The following ITPR2 variants were observed in gnomAD, a reference collection of about 807,000 sequenced individuals.
The protein encoded by ITPR2 is inositol 1,4,5-trisphosphate receptor type 2.
A neutral mutation model predicts 317.1 loss-of-function variants in ITPR2; 207 were observed. The observed-to-expected ratio is 0.65, with a 90% CI of 0.58 to 0.73. The LOEUF is 0.73. ITPR2 is among the 30% of genes least tolerant of loss of function. The probability of loss-of-function intolerance (pLI) is 0.00; values close to 1 mark genes in which losing one functional copy is unlikely to be tolerated. For synonymous variants in ITPR2, 1,156 were observed against 1,149.1 expected (o/e 1.01, Z -0.12); for missense variants, 2,613 against 3,284.0 (o/e 0.80, Z 4.99).
chr12:26,421,659 T>C (rs1344293291), intron 49 of ITPR2, among the ~76,000 whole-genome samples: 1 of 152,218 alleles, frequency 6.6e-6, no homozygotes, highest in Non-Finnish European at 1.5e-5. Context: ...GTCAGTGCCA[T>C]TATAGCAAGG....
chr12:26,454,174 A>G (rs61914404), intron 45 of ITPR2, among the ~76,000 whole-genome samples: 285 of 152,290 alleles, frequency 1.9e-3, no homozygotes, highest in Non-Finnish European at 3.1e-3. Flanking sequence ...TTATATGTAA[A>G]TATGAGAAAT....
chr12:26,565,784 C>T (rs1944942951), intron 34 of ITPR2, among the ~76,000 whole-genome samples: 1 of 144,906 alleles, frequency 6.9e-6, no homozygotes, highest in Admixed American at 7.3e-5. Context: ...CTAGCCTAGG[C>T]AACACAGCAA....
chr12:26,669,284 A>T (rs1947695383), intron 13 of ITPR2, among the ~76,000 whole-genome samples: 1 of 152,046 alleles, frequency 6.6e-6, no homozygotes, highest in Non-Finnish European at 1.5e-5. Context: ...AATAAAAGGG[A>T]AGTTAAGAGA....
At chr12:26,364,616 C>G (rs1009446086) in intron 55 of ITPR2, among the ~76,000 whole-genome samples, 4 of 152,110 alleles carry the variant, frequency 2.6e-5, no homozygotes, top group African/African-American at 9.7e-5. Flanking sequence ...ATCATAAAAC[C>G]AACTAACTCC....
At chr12:26,629,635 A>T (rs1366175288) in intron 22 of ITPR2, among the ~76,000 whole-genome samples, 1 of 150,850 alleles carries the variant, frequency 6.6e-6, no homozygotes, top group African/African-American at 2.4e-5. Flanking sequence ...TTTTTAACGC[A>T]GCTTTCACTG....
At chr12:26,514,739 T>C (rs1943442831) in intron 37 of ITPR2, among the ~76,000 whole-genome samples, 1 of 152,182 alleles carries the variant, frequency 6.6e-6, no homozygotes. Context: ...AGCTTCACCT[T>C]TAATCTAAAT....
At chr12:26,340,352 A>G in intron 55 of ITPR2, 24 bp from the exon 56 acceptor site, 1 of 1,574,626 alleles carries the variant, frequency 6.4e-7, no homozygotes, top group Non-Finnish European at 8.6e-7. Context: ...AATGTGTGCG[A>G]ACAAGGGAAT....
chr12:26,475,180 A>G, intron 45 of ITPR2, 116 bp downstream of exon 45: 1 of 1,177,170 alleles, frequency 8.5e-7, no homozygotes, highest in Non-Finnish European at 1.2e-6. Flanking sequence ...GCCCAAACCT[A>G]GGATGGTAAG....
At chr12:26,455,608 C>A (rs1941863001) in intron 45 of ITPR2, among the ~76,000 whole-genome samples, 1 of 152,006 alleles carries the variant, frequency 6.6e-6, no homozygotes, top group Non-Finnish European at 1.5e-5. Context: ...GTTATCTAGT[C>A]ATTCAGAAGT....
chr12:26,832,816 T>G lies in ITPR2; in HGVS notation c.-35A>C. ...TGTTCCACAGTGGACGTCCCTCTTC[T>G]TCCCTGCGCCCTCGCCGCCCTCTCT... is the stretch of plus-strand genomic sequence containing the variant. On this transcript the variant is annotated 5_prime_UTR_variant, in exon 1 of 57. Coordinates refer to ENST00000381340, the MANE Select transcript of ITPR2 (RefSeq NM_002223.4). The G allele has an allele frequency of 2.7e-6, 4 of 1,488,454 alleles. No individual in the cohort carries two copies. Among genetic ancestry groups the G allele is most frequent in the Non-Finnish European group, 3.7e-6 (4 of 1,075,344 alleles). The allele number at this position is 1,488,454 out of a possible 1,614,324, so 92.2% of individuals were successfully genotyped here.
intron 2 of ITPR2, among the ~76,000 whole-genome samples, chr12:26,740,214 C>T (rs1475706754): frequency 2.0e-5 from 3 of 152,104 alleles, no homozygotes; most frequent in African/African-American, 7.2e-5. Context: ...TCCTGTCATA[C>T]CTGAAAGTGA....
chr12:26,719,730 T>C (rs553097344), intron 5 of ITPR2, among the ~76,000 whole-genome samples: 17 of 152,254 alleles, frequency 1.1e-4, no homozygotes, highest in African/African-American at 3.9e-4. Context: ...ATTAGGTATA[T>C]CTCCTAATGC....
At chr12:26,808,172 G>C (rs1210461640) in intron 1 of ITPR2, among the ~76,000 whole-genome samples, 1 of 152,170 alleles carries the variant, frequency 6.6e-6, no homozygotes, top group Non-Finnish European at 1.5e-5. Flanking sequence ...CTACAAGAAG[G>C]AGAGAAGCCA....
In ITPR2 at chr12:26,561,762, C is replaced by T. The variant is rs1157002789; in HGVS notation, c.4821G>A (p.Gln1607=). 6.4e-7 allele frequency: 1 copy of T among 1,565,902 alleles called. No homozygotes were observed. Among genetic ancestry groups the T allele is most frequent in the African/African-American group, 1.4e-5 (1 of 71,874 alleles). The change falls in exon 35 of 57, where the codon CAG becomes CAA. Residue 1607 remains glutamine, a splice_region_variant and synonymous_variant. Coordinates refer to ENST00000381340, the MANE Select transcript of ITPR2 (RefSeq NM_002223.4). ...WDYRNIIEKL[Q]DVVASLEHQF... ...AATGCTATTTCACGCTTTCATGTACCTGTAACTTTTCAATAATATTTCTGT... is the reference window on the plus strand; with the variant it reads ...AATGCTATTTCACGCTTTCATGTACTTGTAACTTTTCAATAATATTTCTGT...
intron 32 of ITPR2, among the ~76,000 whole-genome samples, chr12:26,581,963 C>CA (rs1188589170): frequency 6.6e-6 from 1 of 151,998 alleles, no homozygotes; most frequent in Admixed American, 6.6e-5. Context: ...GGGCACTTGC[C>CA]AAAAAACCAC....
intron 54 of ITPR2, among the ~76,000 whole-genome samples, chr12:26,395,774 C>T (rs1427398184): frequency 6.6e-6 from 1 of 152,280 alleles, no homozygotes; most frequent in South Asian, 2.1e-4. Context: ...TGAATGAGAA[C>T]CTGTCACTTT....
rs574853819 is a variant in ITPR2 at position 26,490,425 on chromosome 12, A to T, written c.5371-3174T>A. Among the ~76,000 whole-genome samples the T allele has an allele frequency of 3.3e-5, 5 of 152,350 alleles. No homozygotes were observed. In the South Asian group the frequency reaches 1.0e-3, roughly 32 times the overall value. On this transcript the variant is annotated intron_variant, in intron 39 of 56. Transcript: ENST00000381340. ...TGAACCCCAAGATTGGTCCAGACAC[A>T]AGGGGTACAAAGATGAATAAAACGT...
At chr12:26,691,261 G>A (rs1238413708) in intron 10 of ITPR2, among the ~76,000 whole-genome samples, 1 of 152,104 alleles carries the variant, frequency 6.6e-6, no homozygotes, top group Non-Finnish European at 1.5e-5. Context: ...ATAACATGAA[G>A]ACAATTCAGT....
chr12:26,574,262 T>C (rs1945226439), intron 34 of ITPR2, among the ~76,000 whole-genome samples: 1 of 151,322 alleles, frequency 6.6e-6, no homozygotes, highest in South Asian at 2.1e-4. Flanking sequence ...AGTTTAAAAA[T>C]AATTATTGTG....
Sources: gnomAD v4.1 joint callset for allele counts (sites outside exome capture counted in the v4.1 genomes callset) on GRCh38, gnomAD v4.1.1 for gene constraint, MANE v1.5 for transcripts, NCBI Gene and HGNC (gene_info 2026-07-23, HGNC 2026-07-21) for gene names.